RFX3: variants seen among roughly 807,000 people sequenced by gnomAD.
RFX3 encodes the protein transcription factor RFX3.
A neutral mutation model predicts 98.6 loss-of-function variants in RFX3; 14 were observed. That is an observed-to-expected ratio of 0.14 (90% CI 0.09 to 0.22). The LOEUF is 0.22. Ranked by LOEUF, RFX3 falls within the 10% of genes least tolerant of loss-of-function variation. RFX3 has a pLI of 1.00. For missense variants in RFX3, 639 were observed against 926.9 expected (o/e 0.69, Z 4.03); for synonymous variants, 383 against 328.4 (o/e 1.17, Z -1.80).
chr9:3,232,117 T>C (rs888744181), intron 15 of RFX3, among the ~76,000 whole-genome samples: 4 of 151,020 alleles, frequency 2.6e-5, no homozygotes, highest in Non-Finnish European at 4.4e-5. Context: ...AAGATTTAGA[T>C]GAAAAAAAAA....
At chr9:3,341,122 G>A (rs1282536614) in intron 3 of RFX3, among the ~76,000 whole-genome samples, 1 of 152,092 alleles carries the variant, frequency 6.6e-6, no homozygotes, top group Non-Finnish European at 1.5e-5. Context: ...GATGAAACTG[G>A]AAATCATCAT....
intron 2 of RFX3, among the ~76,000 whole-genome samples, chr9:3,361,593 G>A (rs1218636207): frequency 2.6e-5 from 4 of 151,012 alleles, no homozygotes; most frequent in African/African-American, 7.3e-5. Flanking sequence ...AGGCTGAGGC[G>A]GGAGGACTGT....
chr9:3,381,804 G>T (rs146248103), intron 2 of RFX3, among the ~76,000 whole-genome samples: 10 of 151,994 alleles, frequency 6.6e-5, no homozygotes, highest in African/African-American at 2.4e-4. Flanking sequence ...AGAGAAAAAA[G>T]AATCATGAAA....
intron 15 of RFX3, among the ~76,000 whole-genome samples, chr9:3,233,584 A>T (rs1200906301): frequency 6.6e-6 from 1 of 152,162 alleles, no homozygotes; most frequent in African/African-American, 2.4e-5. Flanking sequence ...AGAAGGAAAG[A>T]GCTCAGGGGA....
chr9:3,266,132 G>T, intron 12 of RFX3, 76 bp downstream of exon 12: 1 of 780,346 alleles, frequency 1.3e-6, no homozygotes, highest in Non-Finnish European at 2.1e-6. Context: ...AATACCATTT[G>T]ATAGGATAGA....
intron 1 of RFX3, among the ~76,000 whole-genome samples, chr9:3,456,879 T>C (rs1219761221): frequency 1.3e-5 from 2 of 151,660 alleles, no homozygotes; most frequent in African/African-American, 2.4e-5. Context: ...CCAGGCGCAG[T>C]GGCTCATGCC....
intron 2 of RFX3, among the ~76,000 whole-genome samples, chr9:3,368,819 A>C (rs1837497175): frequency 6.6e-6 from 1 of 152,210 alleles, no homozygotes; most frequent in Non-Finnish European, 1.5e-5. Context: ...GTTAATTTCA[A>C]TGTTCTGTCA....
intron 3 of RFX3, among the ~76,000 whole-genome samples, chr9:3,340,509 CAG>C (rs770629740): frequency 2.2e-3 from 336 of 152,236 alleles, no homozygotes; most frequent in East Asian, 3.9e-3. Flanking sequence ...ACTCATCTGA[CAG>C]AGGGCTAATA....
chr9:3,225,177 C>T lies in RFX3; in HGVS notation c.2115G>A (p.Val705=). The part of the protein sequence containing the change: ...EKTELSQAFP[V]GCMQPVLETG... ...TCTCGAGAACAGGCTGCATGCAGCC[C>T]ACTGGAAATGCCTGGCTCAGCTCTG... The change falls in exon 17 of 17, where the codon GTG becomes GTA. Residue 705 remains valine, a synonymous_variant. Coordinates refer to ENST00000617270, the MANE Select transcript of RFX3 (RefSeq NM_001282116.2). 1 of 1,613,954 alleles carries T rather than the reference C, an allele frequency of 6.2e-7. No individual in the cohort carries two copies. The highest frequency in any genetic ancestry group is 8.5e-7 in the Non-Finnish European group (1 of 1,179,948).
At chr9:3,521,292 C>A (rs1455355044) in intron 1 of RFX3, among the ~76,000 whole-genome samples, 1 of 152,104 alleles carries the variant, frequency 6.6e-6, no homozygotes, top group African/African-American at 2.4e-5. Flanking sequence ...CCAAAGATAT[C>A]AATCTTTATA....
At chr9:3,389,495 G>A (rs1840064889) in intron 2 of RFX3, among the ~76,000 whole-genome samples, 1 of 151,966 alleles carries the variant, frequency 6.6e-6, no homozygotes, top group Non-Finnish European at 1.5e-5. Flanking sequence ...TCTATATTTG[G>A]AAATAAGACT....
intron 3 of RFX3, among the ~76,000 whole-genome samples, chr9:3,345,998 C>A (rs181528816): frequency 2.0e-5 from 3 of 152,260 alleles, no homozygotes; most frequent in East Asian, 1.9e-4. Context: ...AGGAAGCCAA[C>A]AGGTTGCAAA....
chr9:3,245,714 T>G (rs1820570877), intron 15 of RFX3, among the ~76,000 whole-genome samples: 1 of 152,218 alleles, frequency 6.6e-6, no homozygotes, highest in African/African-American at 2.4e-5. Context: ...TATAATATGC[T>G]CTCAGTAAAT....
chr9:3,431,250 T>C (rs1360662600), intron 1 of RFX3, among the ~76,000 whole-genome samples: 1 of 152,174 alleles, frequency 6.6e-6, no homozygotes, highest in Non-Finnish European at 1.5e-5. Flanking sequence ...TCATATTTAG[T>C]GCAATGCTAT....
In RFX3 at chr9:3,338,557, T is replaced by G. The variant is rs149536888; in HGVS notation, c.216-8040A>C. Among the ~76,000 whole-genome samples the G allele has an allele frequency of 2.1e-3, 313 of 152,326 alleles. 10 individuals carry two copies. In the East Asian group the frequency reaches 0.056, roughly 27 times the overall value. On this transcript the variant is annotated intron_variant, in intron 3 of 16. Transcript: ENST00000617270. The stretch of plus-strand genomic sequence containing the variant: ...TATGGTAGAACAGTGGTTCTCACAT[T>G]TTTAATGTGCATCAGAATCACCCGG...
At chr9:3,477,204 G>GCCTATC (rs1849348066) in intron 1 of RFX3, among the ~76,000 whole-genome samples, 1 of 152,134 alleles carries the variant, frequency 6.6e-6, no homozygotes, top group Non-Finnish European at 1.5e-5. Flanking sequence ...TGGATTTAGA[G>GCCTATC]CCTATCCCTA....
At chr9:3,313,339 A>G (rs1830188696) in intron 4 of RFX3, among the ~76,000 whole-genome samples, 1 of 152,218 alleles carries the variant, frequency 6.6e-6, no homozygotes, top group Non-Finnish European at 1.5e-5. Flanking sequence ...AACAGAAAGG[A>G]CGTCCACACC....
At chr9:3,383,669 T>A (rs1232021683) in intron 2 of RFX3, among the ~76,000 whole-genome samples, 1 of 152,138 alleles carries the variant, frequency 6.6e-6, no homozygotes, top group Non-Finnish European at 1.5e-5. Flanking sequence ...AGAAAGCCTA[T>A]CAGTTCACAA....
chr9:3,233,888 A>T (rs1183738534), intron 15 of RFX3, among the ~76,000 whole-genome samples: 1 of 152,170 alleles, frequency 6.6e-6, no homozygotes, highest in African/African-American at 2.4e-5. Context: ...TTATGTATAA[A>T]TATCATCATT....
Sources: gnomAD v4.1 joint callset for allele counts (sites outside exome capture counted in the v4.1 genomes callset) on GRCh38, gnomAD v4.1.1 for gene constraint, MANE v1.5 for transcripts, NCBI Gene and HGNC (gene_info 2026-07-23, HGNC 2026-07-21) for gene names.